IGSF11: variants seen among roughly 807,000 people sequenced by gnomAD.
IGSF11 encodes the protein immunoglobulin superfamily member 11.
A neutral mutation model predicts 41.0 loss-of-function variants in IGSF11; 22 were observed. That is an observed-to-expected ratio of 0.54 (90% CI 0.38 to 0.77). The LOEUF is 0.77. Among genes scored for constraint, IGSF11 ranks in the 30% least tolerant of loss-of-function variants. The probability of loss-of-function intolerance (pLI) is 0.00; values close to 1 mark genes in which losing one functional copy is unlikely to be tolerated. For missense variants in IGSF11, 444 were observed against 530.8 expected (o/e 0.84, Z 1.61); for synonymous variants, 219 against 201.3 (o/e 1.09, Z -0.74).
intron 1 of IGSF11, among the ~76,000 whole-genome samples, chr3:118,977,880 C>CG (rs1934296016): frequency 6.6e-6 from 1 of 152,166 alleles, no homozygotes; most frequent in African/African-American, 2.4e-5. Flanking sequence ...CAATGGACTA[C>CG]GTCCTGCCCT....
At chr3:119,135,849 G>T (rs1003663757) in intron 1 of IGSF11, among the ~76,000 whole-genome samples, 7 of 152,206 alleles carry the variant, frequency 4.6e-5, no homozygotes, top group Non-Finnish European at 1.0e-4. Context: ...TTAAGAAAAT[G>T]TGGCACATAT....
At chr3:119,118,702 C>T (rs1389274505) in intron 1 of IGSF11, among the ~76,000 whole-genome samples, 2 of 152,226 alleles carry the variant, frequency 1.3e-5, no homozygotes, top group African/African-American at 4.8e-5. Context: ...TTTTCTATCA[C>T]ATTGTCAGGC....
In IGSF11 at chr3:118,904,681, T is replaced by A. The variant is rs374378575; in HGVS notation, c.821A>T (p.Glu274Val). The change falls in exon 6 of 7, where the codon GAG becomes GTG. Residue 274 changes from glutamate (E) to valine (V), a missense_variant. Glu to Val is a moderately radical substitution (Grantham distance 121, BLOSUM62 -2). Transcript: ENST00000393775. ...ATTAGGAATTTCTTCTTCTTCCTCC[T>A]CTTTATTTTTGCTTCTCCAGTAAAA... ...AFFYWRSKNK[E>V]EEEEEIPNEI... 6.2e-7 allele frequency: 1 copy of A among 1,611,894 alleles called. No homozygotes were observed. Among genetic ancestry groups the A allele is most frequent in the Non-Finnish European group, 8.5e-7 (1 of 1,178,912 alleles).
At chr3:118,973,883 T>C (rs1170864711) in intron 1 of IGSF11, among the ~76,000 whole-genome samples, 7 of 151,990 alleles carry the variant, frequency 4.6e-5, no homozygotes, top group Non-Finnish European at 8.8e-5. Context: ...TTCTCACTTA[T>C]AAGTGGGAGC....
chr3:118,957,177 A>C (rs901504995), intron 1 of IGSF11, among the ~76,000 whole-genome samples: 6 of 152,140 alleles, frequency 3.9e-5, no homozygotes. Context: ...GGCAAGAAAA[A>C]AAGGTGAATT....
intron 4 of IGSF11, among the ~76,000 whole-genome samples, chr3:118,918,697 A>G: frequency 8.8e-6 from 1 of 113,382 alleles, no homozygotes; most frequent in Non-Finnish European, 1.7e-5. Context: ...GGTAATTTAC[A>G]GATTCAATGC....
In IGSF11 at chr3:119,127,879, TG is replaced by T. The variant is rs1008082596; in HGVS notation, c.-14+17933del. Among the ~76,000 whole-genome samples, 5 of 152,338 alleles carry T rather than the reference TG, an allele frequency of 3.3e-5. 1 individual carries two copies. The highest frequency in any genetic ancestry group is 3.9e-4 in the East Asian group (2 of 5,186). ...TAAGGGATTTCATTACCAGCAGGCC[TG>T]CCCTGCAAGAGCTCCTGAAAGAAAC... On this transcript the variant is annotated intron_variant, in intron 1 of 7. Transcript: ENST00000425327.
At chr3:118,985,308 G>A (rs912340041) in intron 1 of IGSF11, among the ~76,000 whole-genome samples, 1 of 152,172 alleles carries the variant, frequency 6.6e-6, no homozygotes, top group Non-Finnish European at 1.5e-5. Flanking sequence ...TGAGGTAGGA[G>A]GGAAGGGGGG....
chr3:119,111,377 T>A (rs1257719795), intron 1 of IGSF11, among the ~76,000 whole-genome samples: 7 of 152,250 alleles, frequency 4.6e-5, no homozygotes, highest in Non-Finnish European at 1.0e-4. Flanking sequence ...TTCCAGTTGA[T>A]CGCATCAGCT....
rs982886510 is a variant in IGSF11, at chr3:118,902,149, T to A, written c.*371A>T. The A allele has an allele frequency of 1.1e-5, 2 of 181,964 alleles. No homozygotes were observed. The highest frequency in any genetic ancestry group is 4.7e-5 in the African/African-American group (2 of 42,144). 11.3% of individuals were successfully genotyped at this position (181,964 alleles called of 1,614,324 possible). A position where few individuals can be genotyped will look rare whatever the true frequency, so the allele number is the denominator to read the frequency against. Reference sequence around the variant, plus strand: ...CACCTACCTTTTAAAATAATTTCAATATTTAAACTCCATCTGGCACTTTAA... The same window carrying A: ...CACCTACCTTTTAAAATAATTTCAAAATTTAAACTCCATCTGGCACTTTAA... On this transcript the variant is annotated 3_prime_UTR_variant, in exon 7 of 7. Transcript: ENST00000393775.
At position 119,047,598 on chromosome 3, in the gene IGSF11, A is replaced by C. The variant is rs573466570; in HGVS notation, c.49+57546T>G. Among the ~76,000 whole-genome samples, 5 of 152,326 alleles carry C rather than the reference A, an allele frequency of 3.3e-5. No individual in the cohort carries two copies. In the South Asian group the frequency reaches 1.0e-3, roughly 32 times the overall value. On this transcript the variant is annotated intron_variant, in intron 1 of 6. Transcript: ENST00000354673. ...CATTAGACAGACCAATGAGACAGAA[A>C]GTCAACAAGGATACCCAGGAATTGA... is the stretch of plus-strand genomic sequence containing the variant.
chr3:118,995,569 G>A (rs1936184351), intron 1 of IGSF11, among the ~76,000 whole-genome samples: 1 of 152,198 alleles, frequency 6.6e-6, no homozygotes, highest in Non-Finnish European at 1.5e-5. Flanking sequence ...ACAACTGACA[G>A]AATTTCAAGA....
intron 1 of IGSF11, among the ~76,000 whole-genome samples, chr3:118,962,378 A>C (rs1398093201): frequency 6.6e-6 from 1 of 152,214 alleles, no homozygotes; most frequent in Non-Finnish European, 1.5e-5. Flanking sequence ...TTCAATAAAA[A>C]AATTTTCTGC....
chr3:119,070,698 A>C (rs1007273672), intron 1 of IGSF11, among the ~76,000 whole-genome samples: 4 of 152,106 alleles, frequency 2.6e-5, no homozygotes, highest in Non-Finnish European at 5.9e-5. Flanking sequence ...TTCCTAAATG[A>C]ATACAGATAT....
At chr3:119,059,554 TGAAATAATTTTTGAAAAG>T (rs1431747600) in intron 1 of IGSF11, among the ~76,000 whole-genome samples, 2 of 152,168 alleles carry the variant, frequency 1.3e-5, no homozygotes, top group Non-Finnish European at 2.9e-5. Flanking sequence ...CAAAAACTAC[TGAAATAATTTTTGAAAAG>T]GATACATTTA....
intron 1 of IGSF11, 41 bp from the exon 2 acceptor site, chr3:118,930,316 C>T: frequency 2.6e-6 from 4 of 1,566,758 alleles, no homozygotes; most frequent in Non-Finnish European, 2.6e-6. Flanking sequence ...CTCGCCCTTT[C>T]CCAACAGTCC....
intron 1 of IGSF11, among the ~76,000 whole-genome samples, chr3:119,012,411 A>G (rs994757887): frequency 6.6e-6 from 1 of 152,090 alleles, no homozygotes; most frequent in Non-Finnish European, 1.5e-5. Flanking sequence ...TTATATACCA[A>G]CCCTCCAAAA....
chr3:119,073,335 G>T (rs1011401699), intron 1 of IGSF11, among the ~76,000 whole-genome samples: 1 of 152,224 alleles, frequency 6.6e-6, no homozygotes, highest in Admixed American at 6.5e-5. Flanking sequence ...AGCCGGCTTT[G>T]CCTAGTGGAT....
Position 119,019,767 on chromosome 3 carries a change from C to T in IGSF11, c.52+14764G>A, listed in dbSNP as rs79666291. Among the ~76,000 whole-genome samples, 407 of 152,236 alleles carry T rather than the reference C, an allele frequency of 2.7e-3. 14 individuals are homozygous for T. Among genetic ancestry groups the T allele is most frequent in the Admixed American group, 0.019 (283 of 15,292 alleles). On this transcript the variant is annotated intron_variant, in intron 1 of 6. Coordinates refer to ENST00000393775, the MANE Select transcript of IGSF11 (RefSeq NM_001015887.3). ...TCTTTCCATTGTTGCTGTTATTGAA[C>T]AGGAACAGTGGTGGGTGTGTGCAGG...
Sources: gnomAD v4.1 joint callset for allele counts (sites outside exome capture counted in the v4.1 genomes callset) on GRCh38, gnomAD v4.1.1 for gene constraint, MANE v1.5 for transcripts, NCBI Gene and HGNC (gene_info 2026-07-23, HGNC 2026-07-21) for gene names.